The following MYH15 variants were observed in gnomAD, a reference collection of about 807,000 sequenced individuals.
MYH15 encodes myosin heavy chain 15.
Under a neutral mutation model 240.5 loss-of-function variants are expected in MYH15, and 227 were observed. The observed-to-expected ratio is 0.94, with a 90% CI of 0.85 to 1.05. The LOEUF (loss-of-function observed/expected upper bound fraction) is 1.05. Among genes scored for constraint, MYH15 ranks in the 50% least tolerant of loss-of-function variants. The pLI, the probability that MYH15 is intolerant of heterozygous loss-of-function variation, is 0.00. For synonymous variants in MYH15, 785 were observed against 796.7 expected, an observed-to-expected ratio of 0.99 and a Z score of 0.25; for missense variants, 2,217 against 2,247.5, an observed-to-expected ratio of 0.99 and a Z score of 0.27.
chr3:108,484,847 T>G (rs2083293189), intron 11 of MYH15, among the ~76,000 whole-genome samples: 1 of 152,228 alleles, frequency 6.6e-6, no homozygotes, highest in Non-Finnish European at 1.5e-5. Flanking sequence ...GTCTTAATTC[T>G]CCTTCACCCA....
At chr3:108,426,819 G>T (rs1005525699) in intron 27 of MYH15, among the ~76,000 whole-genome samples, 1 of 152,172 alleles carries the variant, frequency 6.6e-6, no homozygotes, top group Admixed American at 6.5e-5. Flanking sequence ...TGCCAGGGGG[G>T]GGCAGTGCTA....
chr3:108,538,203 T>A, the MYH15 span, among the ~76,000 whole-genome samples: 1 of 152,188 alleles, frequency 6.6e-6, no homozygotes, highest in Non-Finnish European at 1.5e-5. Context: ...ACTCCTCCTT[T>A]CCTGATGGCT....
intron 16 of MYH15, among the ~76,000 whole-genome samples, chr3:108,460,701 G>A (rs1391680395): frequency 6.6e-6 from 1 of 152,128 alleles, no homozygotes; most frequent in African/African-American, 2.4e-5. Context: ...AACACTGTAA[G>A]CTTTTAAAAT....
intron 9 of MYH15, among the ~76,000 whole-genome samples, chr3:108,490,553 G>A (rs1457726591): frequency 6.6e-6 from 1 of 152,200 alleles, no homozygotes; most frequent in Non-Finnish European, 1.5e-5. Flanking sequence ...TCTGGCCCCT[G>A]CCTATTTTAC....
At chr3:108,414,031 A>T (rs1221152056) in intron 30 of MYH15, among the ~76,000 whole-genome samples, 1 of 152,076 alleles carries the variant, frequency 6.6e-6, no homozygotes, top group East Asian at 1.9e-4. Context: ...GTCACTTTGT[A>T]TTATACTTTT....
In MYH15 at chr3:108,456,964, T is replaced by C. The variant is rs2083027334; in HGVS notation, c.2021-81A>G. On this transcript the variant is annotated intron_variant, in intron 18 of 40. Coordinates refer to ENST00000693548, the MANE Select transcript of MYH15 (RefSeq NM_014981.3). ...AGATTTTGAACCAATTGCTGCATCT[T>C]GGGTTAAAAAGAAAGTCTGAATTGG... 5 of 1,024,238 alleles carry C rather than the reference T, an allele frequency of 4.9e-6. No individual in the cohort carries two copies. The South Asian group carries it at 7.0e-5, about 14-fold the overall frequency. 63.4% of individuals were successfully genotyped at this position (1,024,238 alleles called of 1,614,324 possible).
Position 108,455,834 on chromosome 3 carries a change from A to G in MYH15, c.2164T>C (p.Phe722Leu). The G allele has an allele frequency of 6.2e-7, 1 of 1,613,094 alleles. No individual in the cohort carries two copies. The highest frequency in any genetic ancestry group is 8.5e-7 in the Non-Finnish European group (1 of 1,179,100). Residue 722 changes from phenylalanine (F) to leucine (L), a missense_variant, in exon 20 of 41, where the codon TTT becomes CTT. Physicochemically the swap from Phe to Leu is conservative, Grantham distance 22. Coordinates refer to ENST00000693548, the MANE Select transcript of MYH15 (RefSeq NM_014981.3). ...CTGCTCACAAACTTGCTCTTTGGAA[A>G]GGTCCTTGGATTCAGAATGCAGTAC... ...QRYCILNPRTFPKSKFVSSRK... is the reference protein window; with the variant it reads ...QRYCILNPRTLPKSKFVSSRK...
At chr3:108,427,623 C>T (rs1413838275) in intron 27 of MYH15, among the ~76,000 whole-genome samples, 1 of 107,754 alleles carries the variant, frequency 9.3e-6, no homozygotes. Flanking sequence ...ACACAACACA[C>T]ACACACACAC....
chr3:108,509,330 C>A (rs977919834), intron 1 of MYH15, among the ~76,000 whole-genome samples: 25 of 152,156 alleles, frequency 1.6e-4, no homozygotes, highest in Admixed American at 1.5e-3. Flanking sequence ...AATGCTTAGG[C>A]TCAATTTTTT....
chr3:108,551,002 C>T, the MYH15 span: 2 of 372,588 alleles, frequency 5.4e-6, no homozygotes, highest in South Asian at 2.6e-4. Flanking sequence ...AAATAAAAAA[C>T]ATGCAACAGA....
the MYH15 span, among the ~76,000 whole-genome samples, chr3:108,538,231 A>G: frequency 1.3e-5 from 2 of 152,176 alleles, no homozygotes; most frequent in Non-Finnish European, 2.9e-5. Context: ...AGAAGCTCCA[A>G]GTTGTTAGAT....
At chr3:108,441,361 T>C in intron 22 of MYH15, 101 bp from the exon 23 acceptor site, 4 of 1,351,486 alleles carry the variant, frequency 3.0e-6, no homozygotes, top group South Asian at 2.6e-5. Flanking sequence ...TTGCCTGCCC[T>C]CTGCCCAGCA....
upstream of MYH15, among the ~76,000 whole-genome samples, chr3:108,534,252 AT>A (rs1171319008): frequency 6.6e-6 from 1 of 152,204 alleles, no homozygotes; most frequent in Non-Finnish European, 1.5e-5. Flanking sequence ...CCAATTGCAT[AT>A]TATAATAAAA....
intron 37 of MYH15, among the ~76,000 whole-genome samples, chr3:108,390,472 A>G (rs777855738): frequency 7.9e-5 from 12 of 152,208 alleles, no homozygotes; most frequent in Non-Finnish European, 1.6e-4. Context: ...TAGGGGAAAA[A>G]TGCATACTTT....
chr3:108,476,246 T>C, intron 12 of MYH15, 151 bp downstream of exon 12: 1 of 511,108 alleles, frequency 2.0e-6, no homozygotes. Context: ...GTAAAAACAT[T>C]TGGAATAGTC....
At chr3:108,459,927 G>A (rs1353777894) in intron 17 of MYH15, among the ~76,000 whole-genome samples, 2 of 152,164 alleles carry the variant, frequency 1.3e-5, no homozygotes, top group African/African-American at 4.8e-5. Context: ...GCAAGCAAGA[G>A]CTGTAAACAC....
Position 108,428,665 on chromosome 3 carries a change from A to C in MYH15, c.3529T>G (p.Phe1177Val). The C allele has an allele frequency of 3.1e-6, 5 of 1,612,526 alleles. No homozygotes were observed. The highest frequency in any genetic ancestry group is 4.2e-6 in the Non-Finnish European group (5 of 1,179,758). Residue 1177 changes from phenylalanine (F) to valine (V), a missense_variant, in exon 27 of 41, where the codon TTT becomes GTT. Transcript: ENST00000693548. ...HRDMEEATLH[F>V]ETTSASLKKR... Reference sequence around the variant, plus strand: ...TTCAAAGATGCAGAAGTTGTCTCAAAGTGCAGAGTGGCCTCTTCCATGTCT... The same window carrying C: ...TTCAAAGATGCAGAAGTTGTCTCAACGTGCAGAGTGGCCTCTTCCATGTCT...
chr3:108,515,500 C>T (rs558639430), upstream of MYH15, among the ~76,000 whole-genome samples: 3 of 152,304 alleles, frequency 2.0e-5, no homozygotes, highest in African/African-American at 7.2e-5. Flanking sequence ...CTCTCAATGA[C>T]CTTCCAGTAC....
intron 14 of MYH15, among the ~76,000 whole-genome samples, chr3:108,465,793 G>A (rs990436553): frequency 1.3e-5 from 2 of 152,112 alleles, no homozygotes; most frequent in Non-Finnish European, 2.9e-5. Flanking sequence ...CAGGAATGGT[G>A]GTGTGTGCCT....
Sources: allele counts gnomAD v4.1 joint callset (sites outside exome capture counted in the v4.1 genomes callset), GRCh38; gene constraint gnomAD v4.1.1; transcripts MANE v1.5; gene names NCBI Gene and HGNC (gene_info 2026-07-23, HGNC 2026-07-21).